NSUN4: variants seen among roughly 807,000 people sequenced by gnomAD.
The protein encoded by NSUN4 is NOP2/Sun RNA methyltransferase 4, also known as 5-cytosine rRNA methyltransferase NSUN4.
NSUN4 carries 31 observed loss-of-function variants against 43.8 expected under a neutral mutation model. The observed-to-expected ratio is 0.71, with a 90% confidence interval of 0.53 to 0.96. The LOEUF (loss-of-function observed/expected upper bound fraction) is 0.96. Among genes scored for constraint, NSUN4 ranks in the 40% least tolerant of loss-of-function variants. NSUN4 has a pLI of 0.00. For synonymous variants in NSUN4, 167 were observed against 184.1 expected (o/e 0.91, Z 0.75); for missense variants, 439 against 475.6 (o/e 0.92, Z 0.72).
chr1:46,340,833 G>C lies in NSUN4; in HGVS notation c.7G>C (p.Ala3Pro). The change falls in exon 1 of 6, where the codon GCG becomes CCG. Residue 3 changes from alanine to proline, a missense_variant. Ala to Pro is a conservative substitution (Grantham distance 27). Coordinates refer to ENST00000474844, the MANE Select transcript of NSUN4 (RefSeq NM_199044.4). ...CCCCGTGGAGCACGCCGATATGGCT[G>C]CGCTGACACTGAGGGGTGTCCGGGA... MAALTLRGVRELL... is the reference protein window; with the variant it reads MAPLTLRGVRELL... 1 of 1,611,028 alleles carries C rather than the reference G, an allele frequency of 6.2e-7. No homozygotes were observed.
At chr1:46,359,199 G>A (rs989875363) in intron 4 of NSUN4, among the ~76,000 whole-genome samples, 4 of 152,036 alleles carry the variant, frequency 2.6e-5, no homozygotes, top group Admixed American at 2.0e-4. Context: ...GGTGGAGGTT[G>A]CAGTGAGCCG....
At chr1:46,348,893 C>T (rs560465404) in intron 3 of NSUN4, among the ~76,000 whole-genome samples, 112 of 130,504 alleles carry the variant, frequency 8.6e-4, no homozygotes, top group Non-Finnish European at 1.0e-3. Context: ...TAGCTCAATA[C>T]AACCTTCGCC....
chr1:46,348,806 CTGTT>C (rs1226663885), intron 3 of NSUN4, among the ~76,000 whole-genome samples: 1 of 81,084 alleles, frequency 1.2e-5, no homozygotes, highest in Non-Finnish European at 2.4e-5. Flanking sequence ...GCCTTGTGCA[CTGTT>C]TTTTTTTTTT....
intron 1 of NSUN4, 117 bp downstream of exon 1, chr1:46,341,036 C>G: frequency 8.9e-7 from 1 of 1,128,392 alleles, no homozygotes; most frequent in South Asian, 1.6e-5. Flanking sequence ...ACGGAACGTC[C>G]TTAGGCACCT....
chr1:46,353,164 T>C (rs12385696), intron 4 of NSUN4, 136 bp downstream of exon 4: 158,577 of 677,926 alleles, frequency 0.23, 21,622 homozygotes, highest in Non-Finnish European at 0.28. Flanking sequence ...AGTTCTACAT[T>C]GGTGATTTGA....
rs1557736768 is a variant in NSUN4 at position 46,344,861 on chromosome 1, TAC to T, written c.156_157del (p.Tyr52Ter). Reference protein sequence around the residue: ...RLALQNFDMTYSVQFGDLWPS... With the variant: ...RLALQNFDMTXSVQFGDLWPS... ...GGCTTTGCAGAATTTTGACATGACT[TAC>T]AGTGTGCAGTTTGGAGATCTTTGGC... On this transcript the variant is annotated frameshift_variant, in exon 2 of 6. Transcript: ENST00000474844. LOFTEE classifies it high-confidence loss of function. The T allele has an allele frequency of 2.5e-6, 4 of 1,614,104 alleles. No homozygotes were observed. The highest frequency in any genetic ancestry group is 3.4e-6 in the Non-Finnish European group (4 of 1,180,042).
chr1:46,367,759 ATTTC>A, downstream of NSUN4, among the ~76,000 whole-genome samples: 1 of 142,740 alleles, frequency 7.0e-6, no homozygotes, highest in Admixed American at 7.2e-5. Context: ...ACAATCTGAA[ATTTC>A]TTTTTTTTTT....
intron 5 of NSUN4, 123 bp from the exon 6 acceptor site, chr1:46,361,447 G>A: frequency 1.2e-6 from 1 of 829,852 alleles, no homozygotes; most frequent in South Asian, 1.7e-5. Context: ...GGACTTGAGA[G>A]GCAGTCTAAC....
At chr1:46,342,501 T>G in intron 1 of NSUN4, 1 of 399,006 alleles carries the variant, frequency 2.5e-6, no homozygotes, top group Non-Finnish European at 4.4e-6. Flanking sequence ...CTCACCCCAG[T>G]CCCAGGCTCC....
chr1:46,348,808 G>GT (rs869234807), intron 3 of NSUN4, among the ~76,000 whole-genome samples: 1,622 of 77,814 alleles, frequency 0.021, 187 homozygotes, highest in Non-Finnish European at 0.027. Flanking sequence ...CTTGTGCACT[G>GT]TTTTTTTTTT....
chr1:46,359,492 A>C (rs1569767022), intron 4 of NSUN4, among the ~76,000 whole-genome samples: 1 of 143,578 alleles, frequency 7.0e-6, no homozygotes, highest in Non-Finnish European at 1.5e-5. Context: ...CAATTCTCCC[A>C]CCTCAGCCTC....
chr1:46,349,311 TTTG>T, intron 3 of NSUN4, among the ~76,000 whole-genome samples: 1 of 151,842 alleles, frequency 6.6e-6, no homozygotes, highest in Non-Finnish European at 1.5e-5. Context: ...GGCTAATTTT[TTTG>T]TATTTTTAGT....
chr1:46,341,603 C>T (rs1662108995), intron 1 of NSUN4: 1 of 1,212,574 alleles, frequency 8.2e-7, no homozygotes, highest in East Asian at 3.3e-5. Flanking sequence ...GCACGCCCCC[C>T]TGCCCACCCC....
intron 4 of NSUN4, among the ~76,000 whole-genome samples, chr1:46,359,837 T>C (rs1663686217): frequency 1.3e-5 from 2 of 152,064 alleles, no homozygotes; most frequent in Non-Finnish European, 2.9e-5. Context: ...ACTTTCCTAT[T>C]GGAGTATAAT....
In NSUN4 at chr1:46,341,324, C is replaced by T. The variant is rs1662087820; in HGVS notation, c.93+405C>T. The T allele has an allele frequency of 4.0e-6, 4 of 1,007,112 alleles. No individual in the cohort carries two copies. In the South Asian group the frequency reaches 1.2e-4, roughly 31 times the overall value. The allele number at this position is 1,007,112 out of a possible 1,614,324, so 62.4% of individuals were successfully genotyped here. A position where few individuals can be genotyped will look rare whatever the true frequency, so the allele number is the denominator to read the frequency against. Reference sequence around the variant, plus strand: ...CTCCTTTCCTCATTGATTTTCCAGCCCGGTCGCCCTCACCCCTCGGAAAAT... The same window carrying T: ...CTCCTTTCCTCATTGATTTTCCAGCTCGGTCGCCCTCACCCCTCGGAAAAT... On this transcript the variant is annotated intron_variant, in intron 1 of 5. Coordinates refer to ENST00000474844, the MANE Select transcript of NSUN4 (RefSeq NM_199044.4).
rs1664093818 is a variant in NSUN4, at chr1:46,364,946, C to T, written c.*3100C>T. ...GCTTGTATTTGGGAATTCTGAGATTCCTGATGTTTACCTACCTAGTCTTTC... is the reference window on the plus strand; with the variant it reads ...GCTTGTATTTGGGAATTCTGAGATTTCTGATGTTTACCTACCTAGTCTTTC... On this transcript the variant is annotated 3_prime_UTR_variant, in exon 6 of 6. Transcript: ENST00000474844. 1 of 152,226 alleles carries T rather than the reference C, an allele frequency of 6.6e-6. No homozygotes were observed. Among genetic ancestry groups the T allele is most frequent in the Non-Finnish European group, 1.5e-5 (1 of 68,056 alleles). 9.4% of individuals were successfully genotyped at this position (152,226 alleles called of 1,614,324 possible). A position where few individuals can be genotyped will look rare whatever the true frequency, so the allele number is the denominator to read the frequency against.
chr1:46,349,132 G>C (rs186396059), intron 3 of NSUN4, among the ~76,000 whole-genome samples: 1 of 129,978 alleles, frequency 7.7e-6, no homozygotes, highest in Non-Finnish European at 1.7e-5. Flanking sequence ...GTTTTTTTTG[G>C]TTTGTTTTTT....
At chr1:46,384,988 C>T in the NSUN4 span, among the ~76,000 whole-genome samples, 1 of 152,190 alleles carries the variant, frequency 6.6e-6, no homozygotes, top group East Asian at 1.9e-4. Context: ...GTGGGGACAT[C>T]AGCAGTGGAC....
At chr1:46,349,104 C>T (rs191637899) in intron 3 of NSUN4, among the ~76,000 whole-genome samples, 71 of 150,628 alleles carry the variant, frequency 4.7e-4, no homozygotes, top group African/African-American at 1.7e-3. Flanking sequence ...TGAACCACCG[C>T]GCCCAGTCTT....
Sources: gnomAD v4.1 joint callset for allele counts (sites outside exome capture counted in the v4.1 genomes callset) on GRCh38, gnomAD v4.1.1 for gene constraint, MANE v1.5 for transcripts, NCBI Gene and HGNC (gene_info 2026-07-23, HGNC 2026-07-21) for gene names.